Variants in PRR16 observed in about 807,000 individuals in gnomAD.
PRR16 encodes the protein proline rich 16, also known as protein Largen.
In PRR16, 6 loss-of-function variants were observed where a neutral mutation model predicts 18.2. That is an observed-to-expected ratio of 0.33 (90% confidence interval 0.18 to 0.65). The LOEUF is 0.65. PRR16 is among the 30% of genes least tolerant of loss of function. PRR16 has a pLI of 0.74. For synonymous variants in PRR16, 151 were observed against 147.8 expected (o/e 1.02, Z -0.16); for missense variants, 412 against 376.6 (o/e 1.09, Z -0.78).
chr5:120,654,013 C>A (rs1158731481), intron 1 of PRR16, among the ~76,000 whole-genome samples: 2 of 151,976 alleles, frequency 1.3e-5, no homozygotes, highest in African/African-American at 2.4e-5. Flanking sequence ...GGCAAATGAC[C>A]ACCCTGTCCC....
At chr5:120,501,789 A>T in intron 1 of PRR16, among the ~76,000 whole-genome samples, 1 of 151,502 alleles carries the variant, frequency 6.6e-6, no homozygotes, top group Non-Finnish European at 1.5e-5. Flanking sequence ...ACCCTGTCTC[A>T]ACTAAAAATA....
At chr5:120,762,027 T>C in the PRR16 span, among the ~76,000 whole-genome samples, 1 of 152,298 alleles carries the variant, frequency 6.6e-6, no homozygotes, top group East Asian at 1.9e-4. Flanking sequence ...TTTTCATGCA[T>C]GTTACTGAAA....
At chr5:120,722,076 A>G in the PRR16 span, among the ~76,000 whole-genome samples, 1 of 151,590 alleles carries the variant, frequency 6.6e-6, no homozygotes, top group East Asian at 2.0e-4. Context: ...CCCTGTTTCC[A>G]TGTGTTCTCA....
intron 1 of PRR16, among the ~76,000 whole-genome samples, chr5:120,521,365 T>C (rs1233935112): frequency 6.6e-6 from 1 of 152,188 alleles, no homozygotes; most frequent in Non-Finnish European, 1.5e-5. Context: ...TTTTGATTTA[T>C]TACAATCGTT....
the PRR16 span, among the ~76,000 whole-genome samples, chr5:120,749,429 G>A: frequency 6.6e-6 from 1 of 152,068 alleles, no homozygotes; most frequent in Non-Finnish European, 1.5e-5. Context: ...CTGAGCTTGA[G>A]TATGTTTATA....
intron 1 of PRR16, among the ~76,000 whole-genome samples, chr5:120,535,950 G>T (rs905431371): frequency 6.6e-6 from 1 of 152,094 alleles, no homozygotes; most frequent in African/African-American, 2.4e-5. Flanking sequence ...TTTAATAAAA[G>T]AAATAAATTA....
chr5:120,675,366 C>T (rs1184684181), intron 1 of PRR16, among the ~76,000 whole-genome samples: 2 of 152,108 alleles, frequency 1.3e-5, no homozygotes, highest in African/African-American at 4.8e-5. Context: ...ACTATGTTGC[C>T]AATCGTGTTG....
At chr5:120,766,900 T>C in the PRR16 span, among the ~76,000 whole-genome samples, 27 of 152,052 alleles carry the variant, frequency 1.8e-4, no homozygotes, top group Non-Finnish European at 3.2e-4. Flanking sequence ...TTTAAACTTA[T>C]TTCAAAGTAC....
chr5:120,492,332 G>A (rs573448422), intron 1 of PRR16, among the ~76,000 whole-genome samples: 77 of 150,542 alleles, frequency 5.1e-4, no homozygotes, highest in African/African-American at 1.7e-3. Context: ...TTTTTTCTAG[G>A]CTGGTCTCTA....
intron 1 of PRR16, among the ~76,000 whole-genome samples, chr5:120,606,294 A>T (rs1754151308): frequency 6.6e-6 from 1 of 152,208 alleles, no homozygotes; most frequent in African/African-American, 2.4e-5. Context: ...CCCAGAGCTG[A>T]GGAAACAGAG....
chr5:120,511,418 G>A (rs374504791), intron 1 of PRR16, among the ~76,000 whole-genome samples: 61 of 152,042 alleles, frequency 4.0e-4, no homozygotes, highest in African/African-American at 1.4e-3. Flanking sequence ...GTTTATTTTA[G>A]TCACGTTATA....
rs1047678762 is a variant in PRR16 at position 120,572,125 on chromosome 5, G to A, written c.159+107480G>A. Reference sequence around the variant, plus strand: ...ACTGGCATATTCTTTGTCTCGTACTGTATTGGTCAAAGGAGTCTCTCATAT... The same window carrying A: ...ACTGGCATATTCTTTGTCTCGTACTATATTGGTCAAAGGAGTCTCTCATAT... On this transcript the variant is annotated intron_variant, in intron 1 of 1. Transcript: ENST00000407149. Among the ~76,000 whole-genome samples the A allele has an allele frequency of 2.6e-5, 4 of 152,110 alleles. No homozygotes were observed. In the South Asian group the frequency reaches 8.3e-4, roughly 32 times the overall value.
intron 1 of PRR16, among the ~76,000 whole-genome samples, chr5:120,582,562 T>A (rs1282758006): frequency 6.6e-6 from 1 of 152,152 alleles, no homozygotes; most frequent in African/African-American, 2.4e-5. Context: ...CTATGCTCTT[T>A]GACTTATGCT....
At chr5:120,492,290 GT>G (rs1256876788) in intron 1 of PRR16, among the ~76,000 whole-genome samples, 2 of 150,692 alleles carry the variant, frequency 1.3e-5, no homozygotes, top group Non-Finnish European at 3.0e-5. Flanking sequence ...GTGTGTGTGT[GT>G]GTGTGTGTGG....
At chr5:120,638,027 C>G (rs1755297977) in intron 1 of PRR16, among the ~76,000 whole-genome samples, 1 of 152,022 alleles carries the variant, frequency 6.6e-6, no homozygotes, top group South Asian at 2.1e-4. Context: ...TAGTGAAATA[C>G]CTGGTGAACA....
chr5:120,508,962 AG>A (rs1005649521), intron 1 of PRR16, among the ~76,000 whole-genome samples: 4 of 151,642 alleles, frequency 2.6e-5, no homozygotes, highest in Non-Finnish European at 4.4e-5. Context: ...TAGTTGGGTG[AG>A]GGGGGGGATA....
the PRR16 span, among the ~76,000 whole-genome samples, chr5:120,777,523 C>G: frequency 6.6e-6 from 1 of 151,908 alleles, no homozygotes; most frequent in Non-Finnish European, 1.5e-5. Flanking sequence ...TCACTTTTCC[C>G]TATTCTCATT....
rs75029437 is a variant in PRR16, at chr5:120,539,834, GT to G, written c.159+75198del. 5.9e-5 allele frequency among the ~76,000 whole-genome samples: 9 copies of G among 151,480 alleles called. 1 individual carries two copies. In the South Asian group the frequency reaches 8.3e-4, roughly 14 times the overall value. ...GTGAAAAACACTGTATGAATATTAGGTTTTTTTTTCTTTTTTTTGGATGAGT... is the reference window on the plus strand; with the variant it reads ...GTGAAAAACACTGTATGAATATTAGGTTTTTTTTCTTTTTTTTGGATGAGT... On this transcript the variant is annotated intron_variant, in intron 1 of 1. Coordinates refer to ENST00000407149, the MANE Select transcript of PRR16 (RefSeq NM_001300783.2).
At chr5:120,704,678 A>G in the PRR16 span, among the ~76,000 whole-genome samples, 1 of 152,148 alleles carries the variant, frequency 6.6e-6, no homozygotes, top group Non-Finnish European at 1.5e-5. Context: ...GACCAATTAA[A>G]TCAGAATCTC....
Sources: allele counts gnomAD v4.1 joint callset (sites outside exome capture counted in the v4.1 genomes callset), GRCh38; gene constraint gnomAD v4.1.1; transcripts MANE v1.5; gene names NCBI Gene and HGNC (gene_info 2026-07-23, HGNC 2026-07-21).